The following ZNF407 variants were observed in gnomAD, a reference collection of about 807,000 sequenced individuals.
ZNF407 encodes zinc finger protein 407.
A neutral mutation model predicts 131.2 loss-of-function variants in ZNF407; 17 were observed. The observed-to-expected ratio is 0.13, with a 90% CI of 0.09 to 0.19. The LOEUF is 0.19. ZNF407 is among the 10% of genes least tolerant of loss of function. The pLI is 1.00. For synonymous variants in ZNF407, 1,156 were observed against 1,062.0 expected (o/e 1.09, Z -1.72); for missense variants, 2,681 against 2,830.6 (o/e 0.95, Z 1.20).
intron 3 of ZNF407, among the ~76,000 whole-genome samples, chr18:74,657,933 T>C (rs532868806): frequency 2.0e-5 from 3 of 148,140 alleles, no homozygotes; most frequent in East Asian, 3.9e-4. Context: ...TTCTTCTTCT[T>C]CTCCCTCCTT....
intron 3 of ZNF407, among the ~76,000 whole-genome samples, chr18:74,741,906 A>G (rs949728492): frequency 1.3e-5 from 2 of 152,212 alleles, no homozygotes; most frequent in African/African-American, 4.8e-5. Flanking sequence ...CTACTATAGG[A>G]TTAAAAATGA....
intron 3 of ZNF407, among the ~76,000 whole-genome samples, chr18:74,643,289 G>A (rs1456754847): frequency 6.6e-6 from 1 of 152,048 alleles, no homozygotes; most frequent in African/African-American, 2.4e-5. Context: ...CTGAACATAA[G>A]CAGCTCATGC....
intron 4 of ZNF407, among the ~76,000 whole-genome samples, chr18:74,841,989 T>A (rs1970640281): frequency 6.6e-6 from 1 of 152,232 alleles, no homozygotes. Context: ...AATATTATGT[T>A]CCTGAGGTGA....
intron 8 of ZNF407, among the ~76,000 whole-genome samples, chr18:74,939,803 G>C (rs560857982): frequency 6.6e-6 from 1 of 152,300 alleles, no homozygotes; most frequent in South Asian, 2.1e-4. Context: ...AGAAATTAAA[G>C]ACCTGCTCTT....
chr18:74,703,208 A>G lies in ZNF407; in HGVS notation c.4802+62086A>G, dbSNP rs952838109. Reference sequence around the variant, plus strand: ...CTTGTAGCAGCCTTCTTCATTTCTCACAAGAACCTGCCTCATGTCCCACCC... The same window carrying G: ...CTTGTAGCAGCCTTCTTCATTTCTCGCAAGAACCTGCCTCATGTCCCACCC... On this transcript the variant is annotated intron_variant, in intron 3 of 8. Coordinates refer to ENST00000299687, the MANE Select transcript of ZNF407 (RefSeq NM_017757.3). The surrounding 1 kb of genome is among the most constrained non-coding windows in gnomAD (Gnocchi z 4.1). Among the ~76,000 whole-genome samples, 1 of 152,160 alleles carries G rather than the reference A, an allele frequency of 6.6e-6. No individual in the cohort carries two copies. The highest frequency in any genetic ancestry group is 1.5e-5 in the Non-Finnish European group (1 of 68,022).
intron 8 of ZNF407, among the ~76,000 whole-genome samples, chr18:74,997,907 A>G (rs1972798267): frequency 6.6e-6 from 1 of 152,190 alleles, no homozygotes. Flanking sequence ...AATTGATCAC[A>G]TGGCTCTGTT....
chr18:74,914,030 A>G (rs1971711933), intron 7 of ZNF407, among the ~76,000 whole-genome samples: 1 of 152,202 alleles, frequency 6.6e-6, no homozygotes. Flanking sequence ...AAGCTGCTCA[A>G]GACTTTCAAC....
chr18:74,675,797 C>T (rs1217790057), intron 3 of ZNF407, among the ~76,000 whole-genome samples: 1 of 152,164 alleles, frequency 6.6e-6, no homozygotes, highest in Admixed American at 6.5e-5. Context: ...ATTCGAGGAT[C>T]TTGAACACTT....
At chr18:74,754,611 G>A (rs1968885394) in intron 3 of ZNF407, among the ~76,000 whole-genome samples, 1 of 152,194 alleles carries the variant, frequency 6.6e-6, no homozygotes, top group Non-Finnish European at 1.5e-5. Context: ...TATGTACCCA[G>A]TAGTCATTCA....
chr18:74,623,973 G>C (rs2144645890), intron 1 of ZNF407, among the ~76,000 whole-genome samples: 1 of 152,160 alleles, frequency 6.6e-6, no homozygotes, highest in South Asian at 2.1e-4. Flanking sequence ...AAGAAGACTG[G>C]GTTTAATAAC....
intron 4 of ZNF407, among the ~76,000 whole-genome samples, chr18:74,805,748 G>A (rs1970099280): frequency 1.3e-5 from 2 of 152,140 alleles, no homozygotes; most frequent in Admixed American, 1.3e-4. Flanking sequence ...AGAGACAAGA[G>A]TCAGTATAAA....
chr18:74,850,513 A>C (rs1970767235), intron 4 of ZNF407, among the ~76,000 whole-genome samples: 1 of 152,148 alleles, frequency 6.6e-6, no homozygotes, highest in African/African-American at 2.4e-5. Context: ...ACCTTATGGC[A>C]GATGCACTCC....
intron 7 of ZNF407, among the ~76,000 whole-genome samples, chr18:74,915,328 G>T (rs530168628): frequency 7.2e-6 from 1 of 138,190 alleles, no homozygotes; most frequent in South Asian, 2.1e-4. Flanking sequence ...GGGAGTGTGT[G>T]TGTGTGTGTG....
At chr18:74,838,880 AATC>A (rs1599187819) in intron 4 of ZNF407, among the ~76,000 whole-genome samples, 1 of 152,118 alleles carries the variant, frequency 6.6e-6, no homozygotes, top group African/African-American at 2.4e-5. Flanking sequence ...TGCAGCCATC[AATC>A]ATCTTTTTTT....
rs1039792702 is a variant in ZNF407 at position 74,633,770 on chromosome 18, A to G, written c.2751A>G (p.Ser917=). ...VEIEASGKHS[S]DIIVGPEGGS... ...TAGAAGCAAGTGGAAAACACAGTTC[A>G]GATATCATTGTTGGCCCTGAAGGGG... is the stretch of plus-strand genomic sequence containing the variant. The change falls in exon 2 of 9, where the codon TCA becomes TCG. Residue 917 remains serine (S), a synonymous_variant. Transcript: ENST00000299687. 1.1e-5 allele frequency: 18 copies of G among 1,613,916 alleles called. No individual in the cohort carries two copies. The highest frequency in any genetic ancestry group is 5.0e-5 in the Admixed American group (3 of 60,006).
At chr18:74,757,238 T>C (rs1968984614) in intron 3 of ZNF407, among the ~76,000 whole-genome samples, 1 of 152,004 alleles carries the variant, frequency 6.6e-6, no homozygotes, top group Admixed American at 6.6e-5. Flanking sequence ...GGAAGTCAAA[T>C]GAGGCAGTAA....
intron 8 of ZNF407, among the ~76,000 whole-genome samples, chr18:74,942,086 G>C (rs1249895034): frequency 6.6e-6 from 1 of 152,176 alleles, no homozygotes; most frequent in East Asian, 1.9e-4. Flanking sequence ...ATTAGATCAT[G>C]TGTGAAAGTT....
chr18:74,771,904 T>C (rs1255790342), intron 3 of ZNF407, among the ~76,000 whole-genome samples: 3 of 152,230 alleles, frequency 2.0e-5, no homozygotes, highest in African/African-American at 7.2e-5. Context: ...AGATTTGTCA[T>C]TCATTAGCTT....
At chr18:74,598,276 C>G (rs984743469) in intron 1 of ZNF407, 5 of 152,432 alleles carry the variant, frequency 3.3e-5, no homozygotes, top group Non-Finnish European at 5.9e-5. Context: ...GCTCCGCGCC[C>G]TTGCGCGAGC....
Sources: allele counts gnomAD v4.1 joint callset (sites outside exome capture counted in the v4.1 genomes callset), GRCh38; gene constraint gnomAD v4.1.1; non-coding constraint Gnocchi (gnomAD v3.1); transcripts MANE v1.5; gene names NCBI Gene and HGNC (gene_info 2026-07-23, HGNC 2026-07-21).